GLCCI1: variants seen among roughly 807,000 people sequenced by gnomAD.
The protein encoded by GLCCI1 is glucocorticoid induced 1.
A neutral mutation model predicts 52.2 loss-of-function variants in GLCCI1; 24 were observed. That is an observed-to-expected ratio of 0.46 (90% confidence interval 0.33 to 0.65). The LOEUF (loss-of-function observed/expected upper bound fraction) is 0.65, where lower values mean the gene tolerates loss of function less well. Ranked by LOEUF, GLCCI1 falls within the 30% of genes least tolerant of loss-of-function variation. The pLI is 0.02. For missense variants in GLCCI1, 704 were observed against 701.5 expected, an observed-to-expected ratio of 1.00 and a Z score of -0.04; for synonymous variants, 310 against 276.5, an observed-to-expected ratio of 1.12 and a Z score of -1.20.
At position 7,969,831 on chromosome 7, in the gene GLCCI1, C is replaced by T. The variant is rs1780303630; in HGVS notation, c.457+24C>T. The T allele has an allele frequency of 7.1e-7, 1 of 1,414,448 alleles. No individual in the cohort carries two copies. The highest frequency in any genetic ancestry group is 2.6e-4 in the Middle Eastern group (1 of 3,910). The allele number at this position is 1,414,448 out of a possible 1,614,324, so 87.6% of individuals were successfully genotyped here. ...AGGTAGCGAGCCCAACCCTCCCGTC[C>T]TCCCGGGCTGCGTCTCCCCGACGGT... On this transcript the variant is annotated intron_variant, in intron 1 of 7. Coordinates refer to ENST00000223145, the MANE Select transcript of GLCCI1 (RefSeq NM_138426.4). This position sits in a 1 kb window ranked among gnomAD's most constrained non-coding sequence, Gnocchi z 4.9.
chr7:8,055,376 TA>T, intron 3 of GLCCI1, 56 bp from the exon 4 acceptor site: 1 of 1,025,724 alleles, frequency 9.7e-7, no homozygotes, highest in Non-Finnish European at 1.5e-6. Context: ...GAAATAAATA[TA>T]AAAATTTGGT....
chr7:7,979,443 C>T (rs1047322804), intron 1 of GLCCI1, among the ~76,000 whole-genome samples: 3 of 147,480 alleles, frequency 2.0e-5, no homozygotes, highest in Non-Finnish European at 4.6e-5. Context: ...TCTAAGTTAG[C>T]TTGAGCTTTT....
chr7:8,001,890 G>A (rs964751832), intron 1 of GLCCI1, among the ~76,000 whole-genome samples: 1 of 152,086 alleles, frequency 6.6e-6, no homozygotes, highest in African/African-American at 2.4e-5. Flanking sequence ...GGTGGGAATT[G>A]AACAATGAGA....
intron 5 of GLCCI1, chr7:8,070,023 G>A (rs531326221): frequency 6.6e-6 from 1 of 152,330 alleles, no homozygotes; most frequent in African/African-American, 2.4e-5. Context: ...CACAAATGAA[G>A]AATATGGAGT....
At position 7,986,934 on chromosome 7, in the gene GLCCI1, G is replaced by GT. The variant is rs543225752; in HGVS notation, c.458-16967dup. Among the ~76,000 whole-genome samples, 15 of 152,126 alleles carry GT rather than the reference G, an allele frequency of 9.9e-5. No homozygotes were observed. In the South Asian group the frequency reaches 1.5e-3, roughly 15 times the overall value. On this transcript the variant is annotated intron_variant, in intron 1 of 7. Coordinates refer to ENST00000223145, the MANE Select transcript of GLCCI1 (RefSeq NM_138426.4). ...AGAATTATCTACTGAACATGGTGGGGTTTTTTTGCATTCTTTCCATGTCCT... is the reference window on the plus strand; with the variant it reads ...AGAATTATCTACTGAACATGGTGGGGTTTTTTTTGCATTCTTTCCATGTCCT...
chr7:8,014,072 C>T (rs1562428212), intron 2 of GLCCI1, among the ~76,000 whole-genome samples: 2 of 151,886 alleles, frequency 1.3e-5, no homozygotes, highest in African/African-American at 2.4e-5. Flanking sequence ...TCACTGCAGC[C>T]TCCACCTTCT....
chr7:7,971,081 C>T (rs1056903714), intron 1 of GLCCI1, among the ~76,000 whole-genome samples: 4 of 152,132 alleles, frequency 2.6e-5, no homozygotes, highest in African/African-American at 9.7e-5. Flanking sequence ...GTTTTCTGAC[C>T]ACTTGATGGT....
At chr7:8,083,752 T>G (rs1783044175) in intron 6 of GLCCI1, among the ~76,000 whole-genome samples, 1 of 152,186 alleles carries the variant, frequency 6.6e-6, no homozygotes. Flanking sequence ...GTTATAGCCA[T>G]GTTCAAATAT....
At chr7:8,059,203 G>A (rs1456415668) in intron 4 of GLCCI1, among the ~76,000 whole-genome samples, 1 of 152,124 alleles carries the variant, frequency 6.6e-6, no homozygotes, top group East Asian at 1.9e-4. Context: ...AGTAATATAT[G>A]AAAAAGAGTT....
intron 3 of GLCCI1, among the ~76,000 whole-genome samples, chr7:8,049,253 TAAAAC>T (rs1214913110): frequency 6.6e-6 from 1 of 152,188 alleles, no homozygotes; most frequent in African/African-American, 2.4e-5. Flanking sequence ...TTCCCTTTAA[TAAAAC>T]TATAGTTTTA....
intron 6 of GLCCI1, among the ~76,000 whole-genome samples, chr7:8,074,814 GAATT>G (rs758463907): frequency 4.0e-5 from 6 of 151,696 alleles, no homozygotes; most frequent in Non-Finnish European, 8.8e-5. Flanking sequence ...TATGAAAACA[GAATT>G]AATTATATAA....
At chr7:8,029,021 T>C (rs1303075819) in intron 3 of GLCCI1, among the ~76,000 whole-genome samples, 1 of 152,148 alleles carries the variant, frequency 6.6e-6, no homozygotes, top group East Asian at 1.9e-4. Flanking sequence ...CTACCAAACA[T>C]TTAAAGAACA....
At chr7:7,973,388 A>C (rs185449291) in intron 1 of GLCCI1, among the ~76,000 whole-genome samples, 1 of 150,630 alleles carries the variant, frequency 6.6e-6, no homozygotes, top group East Asian at 2.0e-4. Flanking sequence ...CAAGATAGTA[A>C]GTAGGAAATG....
intron 3 of GLCCI1, among the ~76,000 whole-genome samples, chr7:8,042,278 A>ACC (rs1270342133): frequency 2.6e-5 from 4 of 152,266 alleles, no homozygotes; most frequent in Non-Finnish European, 5.9e-5. Flanking sequence ...GCTTACAGGT[A>ACC]CCATAGATAA....
chr7:7,984,596 A>G (rs1257343944), intron 1 of GLCCI1, among the ~76,000 whole-genome samples: 2 of 152,254 alleles, frequency 1.3e-5, no homozygotes, highest in African/African-American at 4.8e-5. Context: ...ATGTGCAGGT[A>G]AAATGACCCA....
At chr7:8,037,495 CA>C (rs1366179643) in intron 3 of GLCCI1, among the ~76,000 whole-genome samples, 2 of 152,086 alleles carry the variant, frequency 1.3e-5, no homozygotes, top group Non-Finnish European at 1.5e-5. Context: ...ACTGAGACTA[CA>C]AAGCAACTAG....
In GLCCI1 at chr7:7,969,416, G is replaced by A. The variant is rs1400295357; in HGVS notation, c.66G>A (p.Arg22=). ...AGACCCCTCATCCCCCGTCGCAGAG[G>A]ATGAGGCGCAGCGCCGCGGGGTCCC... ...SSQTPHPPSQ[R]MRRSAAGSPP... Residue 22 remains arginine (R), a synonymous_variant, in exon 1 of 8, where the codon AGG becomes AGA. Transcript: ENST00000223145. The surrounding 1 kb of genome is among the most constrained non-coding windows in gnomAD (Gnocchi z 4.9). 2.2e-6 allele frequency: 3 copies of A among 1,377,298 alleles called. No homozygotes were observed. Among genetic ancestry groups the A allele is most frequent in the African/African-American group, 1.5e-5 (1 of 66,532 alleles). 85.3% of individuals were successfully genotyped at this position (1,377,298 alleles called of 1,614,324 possible).
At chr7:8,054,077 T>G (rs1177009532) in intron 3 of GLCCI1, among the ~76,000 whole-genome samples, 1 of 152,178 alleles carries the variant, frequency 6.6e-6, no homozygotes, top group Non-Finnish European at 1.5e-5. Context: ...AAGTACAGAT[T>G]ATATTATTAA....
chr7:8,066,767 T>C (rs1433995538), intron 5 of GLCCI1, among the ~76,000 whole-genome samples: 26 of 152,074 alleles, frequency 1.7e-4, no homozygotes, highest in Admixed American at 1.7e-3. Flanking sequence ...GATTTCAGTT[T>C]TTTTGAATTT....
Sources: gnomAD v4.1 joint callset for allele counts (sites outside exome capture counted in the v4.1 genomes callset) on GRCh38, gnomAD v4.1.1 for gene constraint, Gnocchi (gnomAD v3.1) non-coding constraint, MANE v1.5 for transcripts, NCBI Gene and HGNC (gene_info 2026-07-23, HGNC 2026-07-21) for gene names.